The following ATP11C variants were observed in gnomAD, a reference collection of about 807,000 sequenced individuals.
The protein encoded by ATP11C is ATPase phospholipid transporting 11C (ATP11C blood group).
A neutral mutation model predicts 97.4 loss-of-function variants in ATP11C; 36 were observed. The ratio of observed to expected loss-of-function variants is 0.37; its 90% CI spans 0.28 to 0.49. The LOEUF (loss-of-function observed/expected upper bound fraction) is 0.49, where lower values mean the gene tolerates loss of function less well. Ranked by LOEUF, ATP11C falls within the 20% of genes least tolerant of loss-of-function variation. The probability of loss-of-function intolerance (pLI) is 0.98; values close to 1 mark genes in which losing one functional copy is unlikely to be tolerated. For missense variants in ATP11C, 730 were observed against 824.6 expected (o/e 0.89, Z 1.40); for synonymous variants, 275 against 290.9 (o/e 0.95, Z 0.56).
At chrX:139,813,893 C>T (rs781286430) in intron 5 of ATP11C, among the ~76,000 whole-genome samples, 46 of 110,698 alleles carry the variant, frequency 4.2e-4, no homozygotes, top group Non-Finnish European at 7.6e-4. Context: ...TTAACAAAAC[C>T]CACAGAATGT....
At chrX:139,777,412 C>G (rs1187280565) in intron 18 of ATP11C, among the ~76,000 whole-genome samples, 1 of 108,153 alleles carries the variant, frequency 9.2e-6, no homozygotes, top group Non-Finnish European at 1.9e-5. Context: ...TAGACTAGAC[C>G]AAGCAGAAGA....
At chrX:139,771,143 T>A in intron 19 of ATP11C, among the ~76,000 whole-genome samples, 1 of 110,791 alleles carries the variant, frequency 9.0e-6, no homozygotes. Flanking sequence ...CAGGGGGAGG[T>A]AACTGAATCA....
intron 1 of ATP11C, among the ~76,000 whole-genome samples, chrX:139,835,713 C>T (rs1425926004): frequency 2.8e-5 from 3 of 107,214 alleles, no homozygotes; most frequent in African/African-American, 1.0e-4. Context: ...CTAGTGGGGA[C>T]GGACTTTCTA....
chrX:139,857,215 A>G (rs922723244), intron 1 of ATP11C, among the ~76,000 whole-genome samples: 6 of 111,342 alleles, frequency 5.4e-5, no homozygotes, highest in African/African-American at 2.0e-4. Flanking sequence ...TCCCTTAACT[A>G]TCCTCCACCT....
intron 3 of ATP11C, among the ~76,000 whole-genome samples, chrX:139,818,501 C>G (rs1220333756): frequency 8.9e-6 from 1 of 111,942 alleles, no homozygotes; most frequent in Non-Finnish European, 1.9e-5. Context: ...TGTAAGACAT[C>G]TGACCATAGA....
intron 17 of ATP11C, 112 bp from the exon 18 acceptor site, chrX:139,782,840 C>A: frequency 3.9e-6 from 2 of 515,868 alleles, no homozygotes; most frequent in South Asian, 4.8e-5. Flanking sequence ...AATTCTGACA[C>A]ATATTTAGTC....
In ATP11C at chrX:139,847,465, G is replaced by A. The variant is rs1289002545; in HGVS notation, c.28-20642C>T. On this transcript the variant is annotated intron_variant, in intron 1 of 29. Coordinates refer to ENST00000682941, the MANE Select transcript of ATP11C (RefSeq NM_001353812.2). ...TATAATCCCAGCACTTTGGGAAGCC[G>A]AGGTGGGAGGACTCTGCTTGAGCCC... Among the ~76,000 whole-genome samples, 7 of 108,578 alleles carry A rather than the reference G, an allele frequency of 6.4e-5. No homozygotes were observed. The East Asian group carries it at 8.8e-4, about 14-fold the overall frequency. 94.3% of individuals were successfully genotyped at this position (108,578 alleles called of 115,157 possible). A position where few individuals can be genotyped will look rare whatever the true frequency, so the allele number is the denominator to read the frequency against.
At chrX:139,884,911 G>C (rs965768661) in intron 1 of ATP11C, among the ~76,000 whole-genome samples, 1 of 111,744 alleles carries the variant, frequency 8.9e-6, no homozygotes, top group African/African-American at 3.3e-5. Context: ...TTCTATGTGA[G>C]ACATTTTACA....
chrX:139,919,972 A>G (rs142065552), intron 1 of ATP11C, among the ~76,000 whole-genome samples: 220 of 112,058 alleles, frequency 2.0e-3, no homozygotes, highest in African/African-American at 6.8e-3. Flanking sequence ...ATTTTTCACA[A>G]GAGTCAAAAA....
rs1282586950 is a variant in ATP11C, at chrX:139,727,313, T to A, written c.*1653A>T. 8.9e-6 allele frequency: 1 copy of A among 112,073 alleles called. No homozygotes were observed. The highest frequency in any genetic ancestry group is 1.9e-5 in the Non-Finnish European group (1 of 53,090). 9.2% of individuals were successfully genotyped at this position (112,073 alleles called of 1,213,427 possible). A position where few individuals can be genotyped will look rare whatever the true frequency, so the allele number is the denominator to read the frequency against. On this transcript the variant is annotated 3_prime_UTR_variant, in exon 30 of 30. Coordinates refer to ENST00000682941, the MANE Select transcript of ATP11C (RefSeq NM_001353812.2). ...AGCTCTTTGGAATAGGCAAAGAATA[T>A]AGAGACTTTTGTTTTCAGCAGCTTA... is the stretch of plus-strand genomic sequence containing the variant.
upstream of ATP11C, among the ~76,000 whole-genome samples, chrX:139,933,879 G>A (rs918199081): frequency 1.8e-5 from 2 of 112,724 alleles, no homozygotes; most frequent in African/African-American, 6.5e-5. Flanking sequence ...TCCCCAACAG[G>A]GTGGTCGCAA....
chrX:139,915,039 A>C (rs927534187), intron 1 of ATP11C, among the ~76,000 whole-genome samples: 2 of 111,993 alleles, frequency 1.8e-5, no homozygotes, highest in Admixed American at 1.9e-4. Flanking sequence ...CAACTATAAC[A>C]ATTCCATAAA....
upstream of ATP11C, among the ~76,000 whole-genome samples, chrX:139,936,576 A>G (rs901055003): frequency 2.1e-4 from 24 of 111,712 alleles, 1 homozygote; most frequent in Admixed American, 1.9e-3. Flanking sequence ...CTTATTACCA[A>G]CTTGACTAGA....
chrX:139,800,540 C>T (rs1256745513), intron 7 of ATP11C, among the ~76,000 whole-genome samples: 4 of 111,823 alleles, frequency 3.6e-5, no homozygotes, highest in African/African-American at 6.5e-5. Context: ...ATCACTGGAG[C>T]GCTAATTAAA....
At chrX:139,807,732 A>T (rs55677173) in intron 5 of ATP11C, among the ~76,000 whole-genome samples, 5,558 of 110,856 alleles carry the variant, frequency 0.05, 240 homozygotes, top group East Asian at 0.29. Flanking sequence ...GGAGGACCGC[A>T]TAAGGCCAGG....
Position 139,853,833 on chromosome X carries a change from CAAAAA to C in ATP11C, c.28-27015_28-27011del, listed in dbSNP as rs934664774. Among the ~76,000 whole-genome samples, 6 of 21,269 alleles carry C rather than the reference CAAAAA, an allele frequency of 2.8e-4. No homozygotes were observed. The East Asian group carries it at 8.2e-3, about 29-fold the overall frequency. 18.5% of individuals were successfully genotyped at this position (21,269 alleles called of 115,157 possible). On this transcript the variant is annotated intron_variant, in intron 1 of 29. Coordinates refer to ENST00000682941, the MANE Select transcript of ATP11C (RefSeq NM_001353812.2). ...TCACCAGTTCAGAACTATCCTAAGTCAAAAAAAAAAAAAAAAAAAAAAAAAAAGGT... is the reference window on the plus strand; with the variant it reads ...TCACCAGTTCAGAACTATCCTAAGTCAAAAAAAAAAAAAAAAAAAAAAGGT...
intron 27 of ATP11C, among the ~76,000 whole-genome samples, chrX:139,738,920 T>C (rs1432418345): frequency 1.8e-5 from 2 of 111,522 alleles, no homozygotes; most frequent in South Asian, 7.6e-4. Flanking sequence ...TCCTGTTTAT[T>C]AGATGACACA....
chrX:139,827,937 G>A (rs899562901), intron 1 of ATP11C, among the ~76,000 whole-genome samples: 4 of 111,633 alleles, frequency 3.6e-5, no homozygotes, highest in African/African-American at 1.3e-4. Flanking sequence ...TTATTTCTTC[G>A]TTTAAAAATT....
rs761524704 is a variant in ATP11C, at chrX:139,800,144, T to C, written c.660-34A>G. The stretch of plus-strand genomic sequence containing the variant: ...AGAACAAAATTGCAAATGTGTTTTC[T>C]ACATCCAGGTGAAATCCATGTACCA... On this transcript the variant is annotated intron_variant, in intron 7 of 29. Coordinates refer to ENST00000682941, the MANE Select transcript of ATP11C (RefSeq NM_001353812.2). The C allele has an allele frequency of 4.8e-6, 5 of 1,044,896 alleles. No individual in the cohort carries two copies. In the African/African-American group the frequency reaches 7.5e-5, roughly 16 times the overall value. The allele number at this position is 1,044,896 out of a possible 1,213,427, so 86.1% of individuals were successfully genotyped here. A position where few individuals can be genotyped will look rare whatever the true frequency, so the allele number is the denominator to read the frequency against.
Sources: allele counts gnomAD v4.1 joint callset (sites outside exome capture counted in the v4.1 genomes callset), GRCh38; gene constraint gnomAD v4.1.1; transcripts MANE v1.5; gene names NCBI Gene and HGNC (gene_info 2026-07-23, HGNC 2026-07-21).